Variants in RNF168 observed in about 807,000 individuals in gnomAD.
The protein encoded by RNF168 is ring finger protein 168, also known as E3 ubiquitin-protein ligase RNF168.
RNF168 carries 34 observed loss-of-function variants against 34.9 expected under a neutral mutation model. The observed-to-expected ratio is 0.97, with a 90% CI of 0.74 to 1.30. The LOEUF (loss-of-function observed/expected upper bound fraction) is 1.30. Ranked by LOEUF, RNF168 falls within the 50% of genes most tolerant of loss-of-function variation. The probability of loss-of-function intolerance (pLI) is 0.00; values close to 1 mark genes in which losing one functional copy is unlikely to be tolerated. For synonymous variants in RNF168, 264 were observed against 254.7 expected, an observed-to-expected ratio of 1.04 and a Z score of -0.35; for missense variants, 725 against 682.5, an observed-to-expected ratio of 1.06 and a Z score of -0.69.
At chr3:196,489,622 C>T (rs1010217472) in intron 1 of RNF168, among the ~76,000 whole-genome samples, 3 of 152,100 alleles carry the variant, frequency 2.0e-5, no homozygotes, top group African/African-American at 4.8e-5. Flanking sequence ...CCACCGTGCC[C>T]GGCTCCAGTT....
At chr3:196,492,638 T>C (rs111360128) in intron 1 of RNF168, among the ~76,000 whole-genome samples, 15,437 of 151,984 alleles carry the variant, frequency 0.1, 2,529 homozygotes, top group African/African-American at 0.34. Flanking sequence ...ATTAGCCACG[T>C]GTGGTGGTGC....
At chr3:196,498,882 C>G (rs1192896226) in intron 1 of RNF168, among the ~76,000 whole-genome samples, 3 of 151,774 alleles carry the variant, frequency 2.0e-5, no homozygotes, top group Non-Finnish European at 1.5e-5. Context: ...GTAATCCCAG[C>G]TACTTAGGAG....
At chr3:196,493,577 G>A (rs555433343) in intron 1 of RNF168, among the ~76,000 whole-genome samples, 1 of 152,242 alleles carries the variant, frequency 6.6e-6, no homozygotes, top group East Asian at 1.9e-4. Context: ...CCAGGCTGGA[G>A]TACAATGGCG....
At chr3:196,480,969 A>C (rs1400221942) in intron 4 of RNF168, among the ~76,000 whole-genome samples, 2 of 152,126 alleles carry the variant, frequency 1.3e-5, no homozygotes, top group Non-Finnish European at 2.9e-5. Flanking sequence ...TTTATTTTTA[A>C]GTACTTTTAT....
At chr3:196,481,125 T>C (rs1732276692) in intron 4 of RNF168, among the ~76,000 whole-genome samples, 1 of 152,248 alleles carries the variant, frequency 6.6e-6, no homozygotes, top group South Asian at 2.1e-4. Context: ...TAGATAATTA[T>C]ACCGCCTCTG....
chr3:196,498,412 CA>C (rs1732795485), intron 1 of RNF168, among the ~76,000 whole-genome samples: 1 of 152,102 alleles, frequency 6.6e-6, no homozygotes, highest in Admixed American at 6.6e-5. Context: ...CTCGGCCTCC[CA>C]AAGTGCGTGA....
At chr3:196,493,834 TTTC>T (rs1422858486) in intron 1 of RNF168, among the ~76,000 whole-genome samples, 3 of 150,786 alleles carry the variant, frequency 2.0e-5, no homozygotes, top group Non-Finnish European at 2.9e-5. Context: ...CCATTTGCTA[TTTC>T]TTTCTTTTTT....
chr3:196,480,110 C>T (rs906619860), intron 4 of RNF168, among the ~76,000 whole-genome samples: 52 of 152,120 alleles, frequency 3.4e-4, no homozygotes, highest in African/African-American at 1.3e-3. Context: ...AAAAATTCAC[C>T]AGAAAGTATA....
intron 1 of RNF168, among the ~76,000 whole-genome samples, chr3:196,495,380 AT>A (rs1577521586): frequency 6.6e-6 from 1 of 152,222 alleles, no homozygotes. Flanking sequence ...CATGTCTTTA[AT>A]AACAACCTTT....
chr3:196,487,230 G>A (rs1159437660), intron 3 of RNF168, among the ~76,000 whole-genome samples, 169 bp downstream of exon 3: 3 of 152,172 alleles, frequency 2.0e-5, no homozygotes, highest in East Asian at 1.9e-4. Context: ...TTAGCTTTCC[G>A]TATCAGCAGG....
intron 1 of RNF168, among the ~76,000 whole-genome samples, chr3:196,500,756 G>A (rs577875073): frequency 1.3e-5 from 2 of 151,664 alleles, no homozygotes; most frequent in African/African-American, 2.4e-5. Flanking sequence ...CTGTCTCCCA[G>A]GCTGGAGTGC....
Position 196,475,707 on chromosome 3 carries a change from C to T in RNF168, c.681-395G>A, listed in dbSNP as rs376359374. Among the ~76,000 whole-genome samples the T allele has an allele frequency of 6.7e-4, 102 of 151,576 alleles. 4 individuals are homozygous for T. In the South Asian group the frequency reaches 0.018, roughly 26 times the overall value. Reference sequence around the variant, plus strand: ...CTGGGACTACAGGCGCCCACCACCACGCCCGGCTAATATTTTGTATTTTTA... The same window carrying T: ...CTGGGACTACAGGCGCCCACCACCATGCCCGGCTAATATTTTGTATTTTTA... On this transcript the variant is annotated intron_variant, in intron 4 of 5. Transcript: ENST00000318037.
At chr3:196,476,396 A>G (rs1732150147) in intron 4 of RNF168, among the ~76,000 whole-genome samples, 1 of 151,292 alleles carries the variant, frequency 6.6e-6, no homozygotes, top group African/African-American at 2.4e-5. Flanking sequence ...GTTATCATAC[A>G]TACTTTTATA....
At chr3:196,475,591 C>T (rs1224904395) in intron 4 of RNF168, among the ~76,000 whole-genome samples, 1 of 146,436 alleles carries the variant, frequency 6.8e-6, no homozygotes, top group Non-Finnish European at 1.5e-5. Context: ...CGCTCTGTCA[C>T]CCAGGCTGGA....
intron 1 of RNF168, among the ~76,000 whole-genome samples, chr3:196,498,174 T>C (rs1437699505): frequency 2.0e-5 from 3 of 152,164 alleles, no homozygotes; most frequent in African/African-American, 4.8e-5. Flanking sequence ...CTTTCTTTTT[T>C]TGAGATGGAG....
chr3:196,486,410 G>A (rs1041539139), intron 3 of RNF168, among the ~76,000 whole-genome samples: 1 of 151,926 alleles, frequency 6.6e-6, no homozygotes, highest in Non-Finnish European at 1.5e-5. Context: ...TCAGCTCACT[G>A]TAACCTCAAA....
chr3:196,502,004 A>G (rs555436484), intron 1 of RNF168, among the ~76,000 whole-genome samples: 55 of 150,382 alleles, frequency 3.7e-4, no homozygotes, highest in Middle Eastern at 6.8e-3. Flanking sequence ...AATAAAATAA[A>G]CGTATGTTTA....
At chr3:196,492,859 G>A (rs1732629624) in intron 1 of RNF168, among the ~76,000 whole-genome samples, 1 of 152,024 alleles carries the variant, frequency 6.6e-6, no homozygotes, top group Non-Finnish European at 1.5e-5. Context: ...TAGTGAAATA[G>A]TACGTATATC....
chr3:196,494,625 G>A (rs965800369), intron 1 of RNF168, among the ~76,000 whole-genome samples: 3 of 152,180 alleles, frequency 2.0e-5, no homozygotes, highest in Admixed American at 6.6e-5. Flanking sequence ...AAAATAAAGA[G>A]ATAGTTAAAA....
Sources: allele counts gnomAD v4.1 joint callset (sites outside exome capture counted in the v4.1 genomes callset), GRCh38; gene constraint gnomAD v4.1.1; transcripts MANE v1.5; gene names NCBI Gene and HGNC (gene_info 2026-07-23, HGNC 2026-07-21).